Variants in CCNY observed in about 807,000 individuals in gnomAD.
The protein encoded by CCNY is cyclin-Y.
In CCNY, 19 loss-of-function variants were observed where a neutral mutation model predicts 42.8. The ratio of observed to expected loss-of-function variants is 0.44; its 90% CI spans 0.31 to 0.65. The LOEUF (loss-of-function observed/expected upper bound fraction) is 0.65, where lower values mean the gene tolerates loss of function less well. CCNY is among the 30% of genes least tolerant of loss of function. The pLI, the probability that CCNY is intolerant of heterozygous loss-of-function variation, is 0.07. For synonymous variants in CCNY, 165 were observed against 162.7 expected, an observed-to-expected ratio of 1.01 and a Z score of -0.11; for missense variants, 370 against 437.3, an observed-to-expected ratio of 0.85 and a Z score of 1.37.
chr10:35,423,913 G>A (rs1838212534), intron 1 of CCNY, among the ~76,000 whole-genome samples: 1 of 152,182 alleles, frequency 6.6e-6, no homozygotes, highest in Admixed American at 6.5e-5. Context: ...TTTTCAGATA[G>A]TATCTGAGAC....
At chr10:35,251,256 A>G (rs879689877) in intron 3 of CCNY, among the ~76,000 whole-genome samples, 9 of 152,210 alleles carry the variant, frequency 5.9e-5, no homozygotes, top group African/African-American at 1.4e-4. Context: ...AGGCTATTTT[A>G]AATATAATGT....
At chr10:35,432,065 C>T (rs1838424940) in intron 1 of CCNY, among the ~76,000 whole-genome samples, 1 of 152,182 alleles carries the variant, frequency 6.6e-6, no homozygotes, top group African/African-American at 2.4e-5. Context: ...GTGCGAGAAT[C>T]ATCTTGCATA....
chr10:35,360,004 T>C (rs1270513008), intron 1 of CCNY, among the ~76,000 whole-genome samples: 1 of 152,272 alleles, frequency 6.6e-6, no homozygotes, highest in African/African-American at 2.4e-5. Flanking sequence ...GTTTACCCAT[T>C]CATCTCTTGT....
intron 1 of CCNY, among the ~76,000 whole-genome samples, chr10:35,462,412 A>T (rs977196456): frequency 6.6e-6 from 1 of 152,056 alleles, no homozygotes; most frequent in African/African-American, 2.4e-5. Context: ...CTTCACCCTC[A>T]TCTCACCCTT....
chr10:35,314,658 A>T (rs1277333209), intron 3 of CCNY: 7 of 152,082 alleles, frequency 4.6e-5, no homozygotes, highest in African/African-American at 1.7e-4. Context: ...TAGTACATTT[A>T]TGACACAGAA....
At chr10:35,357,752 G>T (rs779679651) in intron 1 of CCNY, among the ~76,000 whole-genome samples, 1 of 152,042 alleles carries the variant, frequency 6.6e-6, no homozygotes, top group Non-Finnish European at 1.5e-5. Context: ...GTAAATATTC[G>T]ATTTCTTATC....
At chr10:35,406,896 G>A (rs529069977) in intron 1 of CCNY, among the ~76,000 whole-genome samples, 6 of 152,256 alleles carry the variant, frequency 3.9e-5, no homozygotes, top group South Asian at 2.1e-4. Context: ...CGGGGCGGCC[G>A]GCCAGGCAGA....
At chr10:35,423,379 G>A (rs1838199633) in intron 1 of CCNY, among the ~76,000 whole-genome samples, 2 of 151,794 alleles carry the variant, frequency 1.3e-5, no homozygotes, top group Non-Finnish European at 2.9e-5. Flanking sequence ...GGAGGCTGAG[G>A]TCCGCGGATT....
chr10:35,543,044 T>A (rs957666638), intron 7 of CCNY, among the ~76,000 whole-genome samples: 1 of 152,212 alleles, frequency 6.6e-6, no homozygotes, highest in African/African-American at 2.4e-5. Context: ...TACCTCAACT[T>A]GTTAGATCTA....
chr10:35,349,972 CAG>C (rs951679813), intron 1 of CCNY, among the ~76,000 whole-genome samples: 22 of 152,162 alleles, frequency 1.4e-4, no homozygotes, highest in African/African-American at 4.6e-4. Context: ...ATCACGGCCT[CAG>C]GGGTTGCAGG....
intron 3 of CCNY, among the ~76,000 whole-genome samples, chr10:35,318,448 T>C (rs1268176510): frequency 6.6e-6 from 1 of 152,134 alleles, no homozygotes; most frequent in Non-Finnish European, 1.5e-5. Flanking sequence ...CTATATCTAC[T>C]GAGGAGAGAT....
chr10:35,483,508 A>G, intron 2 of CCNY, 30 bp downstream of exon 2: 1 of 1,401,810 alleles, frequency 7.1e-7, no homozygotes, highest in Non-Finnish European at 1.0e-6. Context: ...TTCTTTTTGT[A>G]AAAAAGGCTC....
At chr10:35,517,127 C>G (rs2037484385) in intron 4 of CCNY, among the ~76,000 whole-genome samples, 1 of 152,120 alleles carries the variant, frequency 6.6e-6, no homozygotes, top group Non-Finnish European at 1.5e-5. Context: ...GACCATGGCT[C>G]TCTCACCAAC....
chr10:35,552,414 A>G (rs998410048), intron 7 of CCNY, among the ~76,000 whole-genome samples: 7 of 152,210 alleles, frequency 4.6e-5, no homozygotes, highest in African/African-American at 1.7e-4. Flanking sequence ...TGGGAAGATG[A>G]TAAAGTTCTG....
intron 3 of CCNY, among the ~76,000 whole-genome samples, chr10:35,303,202 CTG>C (rs1178631468): frequency 4.6e-5 from 7 of 151,702 alleles, no homozygotes; most frequent in Non-Finnish European, 1.0e-4. Context: ...TTTTTTGAGA[CTG>C]AGTTTCACTC....
chr10:35,375,803 G>A (rs1837039733), intron 1 of CCNY, among the ~76,000 whole-genome samples: 1 of 152,202 alleles, frequency 6.6e-6, no homozygotes, highest in Non-Finnish European at 1.5e-5. Context: ...GCATCAGGAA[G>A]GGAAAGGAGG....
intron 2 of CCNY, among the ~76,000 whole-genome samples, chr10:35,495,463 A>G (rs547384215): frequency 3.9e-5 from 6 of 152,222 alleles, no homozygotes; most frequent in Middle Eastern, 3.4e-3. Flanking sequence ...TCTACTTCCT[A>G]TTCTCTTCCC....
intron 9 of CCNY, among the ~76,000 whole-genome samples, chr10:35,567,250 C>T (rs371333969): frequency 6.6e-6 from 1 of 152,204 alleles, no homozygotes; most frequent in East Asian, 1.9e-4. Flanking sequence ...CTGAGGGCAG[C>T]ACCACTGGTC....
chr10:35,432,007 G>T (rs1838423409), intron 1 of CCNY, among the ~76,000 whole-genome samples: 1 of 152,160 alleles, frequency 6.6e-6, no homozygotes, highest in Admixed American at 6.6e-5. Context: ...TCTTGTCAAG[G>T]AGTGGCACCA....
Sources: gnomAD v4.1 joint callset for allele counts (sites outside exome capture counted in the v4.1 genomes callset) on GRCh38, gnomAD v4.1.1 for gene constraint, MANE v1.5 for transcripts, NCBI Gene and HGNC (gene_info 2026-07-23, HGNC 2026-07-21) for gene names.